Variants in GALNT10 observed in about 807,000 individuals in gnomAD.
GALNT10 encodes the protein polypeptide N-acetylgalactosaminyltransferase 10, also known as GalNAc transferase 10.
GALNT10 carries 41 observed loss-of-function variants against 75.0 expected under a neutral mutation model. The observed-to-expected ratio is 0.55, with a 90% CI of 0.43 to 0.71. The LOEUF (loss-of-function observed/expected upper bound fraction) is 0.71. GALNT10 is among the 30% of genes least tolerant of loss of function. GALNT10 has a pLI of 0.00. For missense variants in GALNT10, 727 were observed against 818.5 expected (o/e 0.89, Z 1.36); for synonymous variants, 302 against 313.0 (o/e 0.96, Z 0.37).
chr5:154,286,401 C>G (rs1427559846), intron 1 of GALNT10, among the ~76,000 whole-genome samples: 1 of 140,368 alleles, frequency 7.1e-6, no homozygotes, highest in Non-Finnish European at 1.5e-5. Context: ...TTTTTTTTTT[C>G]CCAGTGATAA....
chr5:154,221,013 G>GT (rs1752969749), intron 1 of GALNT10, among the ~76,000 whole-genome samples: 1 of 152,186 alleles, frequency 6.6e-6, no homozygotes, highest in Admixed American at 6.5e-5. Flanking sequence ...GGTCTTGATT[G>GT]TGACCTGCCA....
chr5:154,224,778 CTTTTTTTTTT>C (rs549615789), intron 1 of GALNT10, among the ~76,000 whole-genome samples: 63 of 117,586 alleles, frequency 5.4e-4, no homozygotes, highest in Non-Finnish European at 9.2e-4. Flanking sequence ...AAGCTCACTT[CTTTTTTTTTT>C]TTTTTTTTTT....
chr5:154,314,436 AT>A (rs1335086327), intron 3 of GALNT10, among the ~76,000 whole-genome samples: 1 of 152,166 alleles, frequency 6.6e-6, no homozygotes, highest in Admixed American at 6.5e-5. Context: ...GTCCCTCCTC[AT>A]TCTAGACCTC....
chr5:154,220,721 G>A (rs1422480535), intron 1 of GALNT10, among the ~76,000 whole-genome samples: 2 of 152,008 alleles, frequency 1.3e-5, no homozygotes, highest in Admixed American at 6.6e-5. Context: ...TGATGGGGCT[G>A]TCACAGAATG....
intron 4 of GALNT10, among the ~76,000 whole-genome samples, chr5:154,345,967 T>G (rs1755116984): frequency 6.9e-6 from 1 of 144,746 alleles, no homozygotes; most frequent in African/African-American, 2.6e-5. Flanking sequence ...TTTTTTTTTT[T>G]TTTGTATTTT....
At chr5:154,247,603 T>C (rs955727233) in intron 1 of GALNT10, among the ~76,000 whole-genome samples, 4 of 152,206 alleles carry the variant, frequency 2.6e-5, no homozygotes, top group Non-Finnish European at 4.4e-5. Context: ...ATGATTTGGC[T>C]CTCTGTTTGT....
At chr5:154,374,387 G>T (rs112429506) in intron 4 of GALNT10, among the ~76,000 whole-genome samples, 7 of 152,240 alleles carry the variant, frequency 4.6e-5, no homozygotes, top group African/African-American at 1.4e-4. Context: ...AACATAACAC[G>T]AAACACACTT....
intron 2 of GALNT10, among the ~76,000 whole-genome samples, chr5:154,297,681 A>T (rs1754301217): frequency 6.6e-6 from 1 of 152,174 alleles, no homozygotes; most frequent in Non-Finnish European, 1.5e-5. Flanking sequence ...TCTCAGTCTC[A>T]GATTATCATT....
chr5:154,386,813 A>G (rs901127882), intron 7 of GALNT10: 1 of 380,526 alleles, frequency 2.6e-6, no homozygotes, highest in African/African-American at 2.1e-5. Context: ...GTAGGCCTAG[A>G]GGAGTCCTCT....
At position 154,415,344 on chromosome 5, in the gene GALNT10, A is replaced by AT. The variant is rs78241319; in HGVS notation, c.1504-428dup. ...AACGTTGGCCTTGAGTTGGTAACTT[A>AT]TTTTTTTTTTTGAGACAGAGTCTCA... On this transcript the variant is annotated intron_variant, in intron 10 of 11. Coordinates refer to ENST00000297107, the MANE Select transcript of GALNT10 (RefSeq NM_198321.4). 3.4e-4 allele frequency among the ~76,000 whole-genome samples: 50 copies of AT among 148,432 alleles called. No homozygotes were observed. The East Asian group carries it at 4.2e-3, about 12-fold the overall frequency.
intron 3 of GALNT10, chr5:154,329,365 G>A (rs969194410): frequency 1.4e-5 from 8 of 562,086 alleles, no homozygotes; most frequent in South Asian, 4.7e-5. Flanking sequence ...ATACATATCC[G>A]CGTGTGCTGT....
chr5:154,394,465 G>T (rs1755976040), intron 7 of GALNT10, among the ~76,000 whole-genome samples: 1 of 152,138 alleles, frequency 6.6e-6, no homozygotes. Context: ...GCCCAGAGCG[G>T]TTAGGTGACT....
chr5:154,215,698 G>T (rs543396146), intron 1 of GALNT10, among the ~76,000 whole-genome samples: 1 of 152,266 alleles, frequency 6.6e-6, no homozygotes, highest in African/African-American at 2.4e-5. Context: ...GAATAAACAT[G>T]CCACAGCATG....
intron 5 of GALNT10, among the ~76,000 whole-genome samples, chr5:154,378,718 G>A (rs1289556449): frequency 1.3e-5 from 2 of 152,150 alleles, no homozygotes; most frequent in East Asian, 1.9e-4. Context: ...GCTAAGAGGT[G>A]AAAAAACCAA....
rs115790852 is a variant in GALNT10, at chr5:154,411,858, G to A, written c.1387-1031G>A. The stretch of plus-strand genomic sequence containing the variant: ...AAATGAAGACACCTGGGGAGACTAG[G>A]AGAGCCATGAGACCACAACAGTGGT... On this transcript the variant is annotated intron_variant, in intron 9 of 11. Coordinates refer to ENST00000297107, the MANE Select transcript of GALNT10 (RefSeq NM_198321.4). 6.3e-3 allele frequency among the ~76,000 whole-genome samples: 966 copies of A among 152,310 alleles called. 13 individuals carry two copies. Among genetic ancestry groups the A allele is most frequent in the African/African-American group, 0.022 (894 of 41,556 alleles).
chr5:154,301,659 G>C (rs1359615593), intron 3 of GALNT10, among the ~76,000 whole-genome samples: 1 of 151,806 alleles, frequency 6.6e-6, no homozygotes, highest in Non-Finnish European at 1.5e-5. Context: ...CTCCTGAGGA[G>C]CTGAGATTAC....
chr5:154,228,488 C>T (rs1015241648), intron 1 of GALNT10, among the ~76,000 whole-genome samples: 8 of 152,190 alleles, frequency 5.3e-5, no homozygotes, highest in African/African-American at 1.9e-4. Context: ...TTTGCTTCTG[C>T]CATGTGCCTA....
chr5:154,278,466 C>A (rs1278572295), intron 1 of GALNT10, among the ~76,000 whole-genome samples: 4 of 152,154 alleles, frequency 2.6e-5, no homozygotes, highest in African/African-American at 7.2e-5. Flanking sequence ...CTTTATGAAT[C>A]ACCAGAAGGG....
intron 1 of GALNT10, among the ~76,000 whole-genome samples, chr5:154,235,943 C>G (rs1295270506): frequency 1.3e-5 from 2 of 152,122 alleles, no homozygotes; most frequent in African/African-American, 4.8e-5. Flanking sequence ...GAATAGGGAT[C>G]CTTTGTATTT....
Sources: gnomAD v4.1 joint callset for allele counts (sites outside exome capture counted in the v4.1 genomes callset) on GRCh38, gnomAD v4.1.1 for gene constraint, MANE v1.5 for transcripts, NCBI Gene and HGNC (gene_info 2026-07-23, HGNC 2026-07-21) for gene names.